Variants in POLRMT observed in about 807,000 individuals in gnomAD.
The protein encoded by POLRMT is RNA polymerase mitochondrial.
Under a neutral mutation model 132.2 loss-of-function variants are expected in POLRMT, and 114 were observed. The observed-to-expected ratio is 0.86, with a 90% CI of 0.74 to 1.01. The LOEUF is 1.01. Ranked by LOEUF, POLRMT falls within the 50% of genes least tolerant of loss-of-function variation. The pLI is 0.00. For missense variants in POLRMT, 2,003 were observed against 1,729.1 expected, an observed-to-expected ratio of 1.16 and a Z score of -2.81; for synonymous variants, 1,020 against 773.4, an observed-to-expected ratio of 1.32 and a Z score of -5.29.
At chr19:630,381 C>A (rs568125190) in intron 2 of POLRMT, among the ~76,000 whole-genome samples, 2 of 152,302 alleles carry the variant, frequency 1.3e-5, no homozygotes, top group South Asian at 4.1e-4. Context: ...CCCACCCGAG[C>A]CTCACAGAAC....
rs969196292 is a variant in POLRMT, at chr19:620,185, C to CAGCCAAGTGCACCGG, written c.2764-120_2764-106dup. The CAGCCAAGTGCACCGG allele has an allele frequency of 2.7e-6, 4 of 1,487,742 alleles. No homozygotes were observed. In the African/African-American group the frequency reaches 5.5e-5, roughly 21 times the overall value. 92.2% of individuals were successfully genotyped at this position (1,487,742 alleles called of 1,614,324 possible). On this transcript the variant is annotated intron_variant, in intron 11 of 20. Coordinates refer to ENST00000588649, the MANE Select transcript of POLRMT (RefSeq NM_005035.4). ...GCCGTTCCTAGGGCCGTGCACCCCC[C>CAGCCAAGTGCACCGG]AGCCAAGTGCACCGGAGCCCCCGCA...
In POLRMT at chr19:622,392, A is replaced by AGGGCGCT. The variant is rs1568169026; in HGVS notation, c.1627-26_1627-20dup. On this transcript the variant is annotated intron_variant, in intron 8 of 20. Coordinates refer to ENST00000588649, the MANE Select transcript of POLRMT (RefSeq NM_005035.4). ...CGGGCACCTGTAGGACAGGGCGGTCAGGGCGCTGGGCACCGGGGCCCCTGA... is the reference window on the plus strand; with the variant it reads ...CGGGCACCTGTAGGACAGGGCGGTCAGGGCGCTGGGCGCTGGGCACCGGGGCCCCTGA... 6.5e-7 allele frequency: 1 copy of AGGGCGCT among 1,532,260 alleles called. No homozygotes were observed. Among genetic ancestry groups the AGGGCGCT allele is most frequent in the South Asian group, 1.2e-5 (1 of 83,250 alleles). The allele number at this position is 1,532,260 out of a possible 1,614,324, so 94.9% of individuals were successfully genotyped here. A position where few individuals can be genotyped will look rare whatever the true frequency, so the allele number is the denominator to read the frequency against.
intron 3 of POLRMT, chr19:625,522 A>C (rs1380630242): frequency 2.4e-6 from 1 of 419,978 alleles, no homozygotes; most frequent in African/African-American, 2.1e-5. Context: ...CAGATTTGTC[A>C]ATTGTGTGGA....
intron 3 of POLRMT, 98 bp from the exon 4 acceptor site, chr19:625,352 C>T: frequency 1.3e-6 from 2 of 1,513,826 alleles, no homozygotes; most frequent in Non-Finnish European, 1.8e-6. Context: ...ACCAGCTCAG[C>T]AGGGGACAGG....
Position 623,617 on chromosome 19 carries a change from G to T in POLRMT, c.1141-14C>A. 3 of 1,612,306 alleles carry T rather than the reference G, an allele frequency of 1.9e-6. No individual in the cohort carries two copies. In the South Asian group the frequency reaches 3.3e-5, roughly 18 times the overall value. ...CACACGCCCATCCTGCAGGGATGGG[G>T]GTAGTGAGGTTGGGGGCTTGCCAGA... On this transcript the variant is annotated splice_polypyrimidine_tract_variant and intron_variant, in intron 5 of 20. Coordinates refer to ENST00000588649, the MANE Select transcript of POLRMT (RefSeq NM_005035.4).
rs201389724 is a variant in POLRMT at position 619,792 on chromosome 19, G to A, written c.2887-27C>T. The A allele has an allele frequency of 4.3e-5, 67 of 1,549,980 alleles. 1 individual carries two copies. In the African/African-American group the frequency reaches 6.8e-4, roughly 16 times the overall value. On this transcript the variant is annotated intron_variant, in intron 12 of 20. Transcript: ENST00000588649. ...TGCACGGCGGGTGGGCCGGGGGCGC[G>A]GGTCAGCCCCGCTAGCAGCCCAGGG...
At position 621,482 on chromosome 19, in the gene POLRMT, G is replaced by A. The variant is rs1417597079; in HGVS notation, c.2216C>T (p.Pro739Leu). 12 of 1,364,102 alleles carry A rather than the reference G, an allele frequency of 8.8e-6. No individual in the cohort carries two copies. The highest frequency in any genetic ancestry group is 6.2e-5 in the African/African-American group (4 of 64,802). 84.5% of individuals were successfully genotyped at this position (1,364,102 alleles called of 1,614,324 possible). A position where few individuals can be genotyped will look rare whatever the true frequency, so the allele number is the denominator to read the frequency against. ...LGVPAPPSEA[P>L]QPPEAHLPHS... ...CGGCAGGTGGGCCTCGGGCGGCTGG[G>A]GCGCCTCGGAGGGCGGGGCCGGCAC... is the stretch of plus-strand genomic sequence containing the variant. Residue 739 changes from proline to leucine, a missense_variant, in exon 10 of 21, where the codon CCC becomes CTC. Transcript: ENST00000588649.
In POLRMT at chr19:619,423, G is replaced by A. The variant is rs1984318315; in HGVS notation, c.3067-127C>T. Reference sequence around the variant, plus strand: ...GCAGGGGGGCAGGGGAATGGGGCCTGGCGCCCACGCAGTCAGCAAGAAACG... The same window carrying A: ...GCAGGGGGGCAGGGGAATGGGGCCTAGCGCCCACGCAGTCAGCAAGAAACG... On this transcript the variant is annotated intron_variant, in intron 13 of 20. Transcript: ENST00000588649. The A allele has an allele frequency of 5.2e-6, 7 of 1,356,472 alleles. No individual in the cohort carries two copies. In the East Asian group the frequency reaches 1.6e-4, roughly 32 times the overall value. 84.0% of individuals were successfully genotyped at this position (1,356,472 alleles called of 1,614,324 possible).
At position 631,847 on chromosome 19, in the gene POLRMT, T is replaced by A. The variant is rs559552013; in HGVS notation, c.193+987A>T. Among the ~76,000 whole-genome samples, 11 of 152,254 alleles carry A rather than the reference T, an allele frequency of 7.2e-5. No individual in the cohort carries two copies. The East Asian group carries it at 2.1e-3, about 30-fold the overall frequency. The stretch of plus-strand genomic sequence containing the variant: ...ACCTCCACCTTCCGGGTTCAAGCGA[T>A]TCTCCTGTCTCAGTCTCCCCGGGTT... On this transcript the variant is annotated intron_variant, in intron 2 of 20. Coordinates refer to ENST00000588649, the MANE Select transcript of POLRMT (RefSeq NM_005035.4).
intron 6 of POLRMT, 61 bp from the exon 7 acceptor site, chr19:623,046 G>T: frequency 6.4e-7 from 1 of 1,573,002 alleles, no homozygotes; most frequent in Non-Finnish European, 8.6e-7. Flanking sequence ...AGGCTCACAG[G>T]ACGGGGGTCA....
At chr19:622,120 C>T (rs753372559) in intron 9 of POLRMT, 29 bp downstream of exon 9, 84 of 1,515,406 alleles carry the variant, frequency 5.5e-5, no homozygotes, top group Non-Finnish European at 4.0e-5. Context: ...GCGGGATGCC[C>T]CCCAGCTCAG....
rs761580693 is a variant in POLRMT, at chr19:617,594, A to C, written c.3557T>G (p.Phe1186Cys). The C allele has an allele frequency of 1.2e-6, 2 of 1,612,182 alleles. No homozygotes were observed. The highest frequency in any genetic ancestry group is 1.7e-6 in the Non-Finnish European group (2 of 1,180,000). The change falls in exon 19 of 21, where the codon TTC becomes TGC. Residue 1186 changes from phenylalanine (F) to cysteine (C), a missense_variant. Physicochemically the swap from Phe to Cys is radical, Grantham distance 205. Coordinates refer to ENST00000588649, the MANE Select transcript of POLRMT (RefSeq NM_005035.4). ...SEPILQDLSR[F>C]LVKRFCSEPQ... Reference sequence around the variant, plus strand: ...CTCAGAGCAGAACCGCTTGACCAGGAATCTGGACAGGTCCTGCAGGATGGG... The same window carrying C: ...CTCAGAGCAGAACCGCTTGACCAGGCATCTGGACAGGTCCTGCAGGATGGG...
Position 621,544 on chromosome 19 carries a change from C to T in POLRMT, c.2154G>A (p.Leu718=), listed in dbSNP as rs1320154211. Residue 718 remains leucine, a synonymous_variant, in exon 10 of 21, where the codon CTG becomes CTA. Transcript: ENST00000588649. ...GGCAGCCCTTGGCCTGGAAGAGCTGCAGCACCAGGTCCAGCACGCGCCCGT... is the reference window on the plus strand; with the variant it reads ...GGCAGCCCTTGGCCTGGAAGAGCTGTAGCACCAGGTCCAGCACGCGCCCGT... ...RVNGRVLDLV[L]QLFQAKGCPQ... is the part of the protein sequence containing the mutation. The T allele has an allele frequency of 1.3e-5, 19 of 1,409,694 alleles. No individual in the cohort carries two copies. The East Asian group carries it at 5.2e-4, about 38-fold the overall frequency. The allele number at this position is 1,409,694 out of a possible 1,614,324, so 87.3% of individuals were successfully genotyped here.
rs139588362 is a variant in POLRMT at position 632,368 on chromosome 19, G to C, written c.193+466C>G. On this transcript the variant is annotated intron_variant, in intron 2 of 20. Transcript: ENST00000588649. The stretch of plus-strand genomic sequence containing the variant: ...CTCCCACCTCCCTCCCACACCACCA[G>C]CCAGGCCAGGACGAGGGCCTGCCAC... Among the ~76,000 whole-genome samples the C allele has an allele frequency of 3.7e-3, 561 of 152,298 alleles. 3 individuals are homozygous for C. The highest frequency in any genetic ancestry group is 0.013 in the African/African-American group (522 of 41,570).
At position 622,080 on chromosome 19, in the gene POLRMT, G is replaced by A. The variant is rs550385043; in HGVS notation, c.1851+69C>T. The A allele has an allele frequency of 3.3e-4, 464 of 1,400,000 alleles. 1 individual carries two copies. The highest frequency in any genetic ancestry group is 4.1e-4 in the Non-Finnish European group (432 of 1,045,686). The allele number at this position is 1,400,000 out of a possible 1,614,324, so 86.7% of individuals were successfully genotyped here. On this transcript the variant is annotated intron_variant, in intron 9 of 20. Coordinates refer to ENST00000588649, the MANE Select transcript of POLRMT (RefSeq NM_005035.4). ...TGAGATCAAGGCTCCGCCCAAAGGC[G>A]CCAACCCCATGGGGTCCCTGGTCCT...
Position 629,583 on chromosome 19 carries a change from G to C in POLRMT, c.779C>G (p.Thr260Arg). The C allele has an allele frequency of 6.3e-7, 1 of 1,590,546 alleles. No individual in the cohort carries two copies. Among genetic ancestry groups the C allele is most frequent in the Non-Finnish European group, 8.6e-7 (1 of 1,169,516 alleles). The change falls in exon 3 of 21, where the codon ACG becomes AGG. Residue 260 changes from threonine (T) to arginine (R), a missense_variant. Physicochemically the swap from Thr to Arg is moderately conservative, Grantham distance 71. Coordinates refer to ENST00000588649, the MANE Select transcript of POLRMT (RefSeq NM_005035.4). ...HGQRQKRKLL[T>R]LDMYNAVMLG... Reference sequence around the variant, plus strand: ...CATCACGGCGTTGTACATGTCCAGCGTGAGCAGCTTCCGCTTCTGCCGCTG... The same window carrying C: ...CATCACGGCGTTGTACATGTCCAGCCTGAGCAGCTTCCGCTTCTGCCGCTG...
At position 624,738 on chromosome 19, in the gene POLRMT, A is replaced by G; in HGVS notation, c.1121T>C (p.Leu374Pro). The G allele has an allele frequency of 1.2e-6, 2 of 1,613,732 alleles. No individual in the cohort carries two copies. The highest frequency in any genetic ancestry group is 1.7e-6 in the Non-Finnish European group (2 of 1,179,940). ...LPPPVNTSKL[L>P]RDVYAKDGRV... ...GCTCACCTTGGCATACACGTCCCTG[A>G]GCAGCTTGGAGGTGTTGACCGGGGG... Residue 374 changes from leucine (L) to proline (P), a missense_variant, in exon 5 of 21, where the codon CTC becomes CCC. Leu to Pro is a moderately conservative substitution (Grantham distance 98). Coordinates refer to ENST00000588649, the MANE Select transcript of POLRMT (RefSeq NM_005035.4).
In POLRMT at chr19:632,870, G is replaced by A. The variant is rs752214197; in HGVS notation, c.157C>T (p.Arg53Cys). The A allele has an allele frequency of 4.3e-5, 67 of 1,550,726 alleles. No homozygotes were observed. The highest frequency in any genetic ancestry group is 6.9e-6 in the Non-Finnish European group (8 of 1,151,870). The change falls in exon 2 of 21, where the codon CGC becomes TGC. Residue 53 changes from arginine to cysteine, a missense_variant. Physicochemically the swap from Arg to Cys is radical, Grantham distance 180. Transcript: ENST00000588649. ...TCCACGTGGCCCCAGTCCTTCCTGCGGTCTTGGTCTTGCTCCTGGGGGCTG... is the reference window on the plus strand; with the variant it reads ...TCCACGTGGCCCCAGTCCTTCCTGCAGTCTTGGTCTTGCTCCTGGGGGCTG... ...SASPQEQDQD[R>C]RKDWGHVELL...
In POLRMT at chr19:633,453, G is replaced by A. The variant is rs774062580; in HGVS notation, c.60C>T (p.Cys20=). 9 of 1,558,292 alleles carry A rather than the reference G, an allele frequency of 5.8e-6. No individual in the cohort carries two copies. In the East Asian group the frequency reaches 1.5e-4, roughly 26 times the overall value. ...AAGLKRALRP[C]GRPGLPGKEG... The stretch of plus-strand genomic sequence containing the variant: ...CTTTGCCGGGGAGTCCCGGGCGGCC[G>A]CAAGGCCGTAGGGCTCGTTTGAGCC... The change falls in exon 1 of 21, where the codon TGC becomes TGT. Residue 20 remains cysteine (C), a synonymous_variant. Transcript: ENST00000588649.
Sources: allele counts gnomAD v4.1 joint callset (sites outside exome capture counted in the v4.1 genomes callset), GRCh38; gene constraint gnomAD v4.1.1; transcripts MANE v1.5; gene names NCBI Gene and HGNC (gene_info 2026-07-23, HGNC 2026-07-21).